Variants in SAMD4B observed in about 807,000 individuals in gnomAD.
SAMD4B encodes protein Smaug homolog 2.
Under a neutral mutation model 74.5 loss-of-function variants are expected in SAMD4B, and 5 were observed. The ratio of observed to expected loss-of-function variants is 0.07; its 90% CI spans 0.04 to 0.14. The LOEUF (loss-of-function observed/expected upper bound fraction) is 0.14. Among genes scored for constraint, SAMD4B ranks in the 10% least tolerant of loss-of-function variants. The pLI, the probability that SAMD4B is intolerant of heterozygous loss-of-function variation, is 1.00. For missense variants in SAMD4B, 608 were observed against 921.8 expected, an observed-to-expected ratio of 0.66 and a Z score of 4.41; for synonymous variants, 373 against 374.9, an observed-to-expected ratio of 1.00 and a Z score of 0.06.
Position 39,378,495 on chromosome 19 carries a change from T to C in SAMD4B, c.1445-9T>C, listed in dbSNP as rs773116982. On this transcript the variant is annotated splice_polypyrimidine_tract_variant and intron_variant, in intron 8 of 13. Coordinates refer to ENST00000610417, the MANE Select transcript of SAMD4B (RefSeq NM_001384574.2). This position sits in a 1 kb window ranked among gnomAD's most constrained non-coding sequence, Gnocchi z 4.4. ...GGTTAACCTCCTGCCCTTTCTCATG[T>C]CCCCCCAGTGTGCACCCAACTGCTG... 1 of 1,613,204 alleles carries C rather than the reference T, an allele frequency of 6.2e-7. No individual in the cohort carries two copies. Among genetic ancestry groups the C allele is most frequent in the Admixed American group, 1.7e-5 (1 of 59,972 alleles).
chr19:39,371,162 A>G (rs1259335157), intron 4 of SAMD4B, among the ~76,000 whole-genome samples: 1 of 152,206 alleles, frequency 6.6e-6, no homozygotes, highest in Non-Finnish European at 1.5e-5. Context: ...CATGATGTAA[A>G]CCTCAGAGTA....
chr19:39,388,685 G>A, downstream of SAMD4B: 2 of 1,613,388 alleles, frequency 1.2e-6, no homozygotes, highest in Non-Finnish European at 1.7e-6. Flanking sequence ...CCCTGGTTGG[G>A]GGAAAAGGAG....
intron 2 of SAMD4B, among the ~76,000 whole-genome samples, chr19:39,356,337 T>C (rs1330374068): frequency 6.6e-6 from 1 of 152,180 alleles, no homozygotes; most frequent in East Asian, 1.9e-4. Context: ...TCAATTCATA[T>C]CTTTTCTCAT....
chr19:39,353,270 C>T (rs568804122), intron 1 of SAMD4B, among the ~76,000 whole-genome samples: 1 of 152,174 alleles, frequency 6.6e-6, no homozygotes, highest in East Asian at 1.9e-4. Flanking sequence ...AAGTATGCTG[C>T]CTTAAAATTG....
At chr19:39,388,802 C>T, downstream of SAMD4B, 1 of 1,614,176 alleles carries the variant, frequency 6.2e-7, no homozygotes, top group Non-Finnish European at 8.5e-7. Flanking sequence ...GCAGCTGCAC[C>T]ACTCGTGTCC....
At chr19:39,359,676 A>G (rs2076536645) in intron 3 of SAMD4B, among the ~76,000 whole-genome samples, 1 of 152,250 alleles carries the variant, frequency 6.6e-6, no homozygotes, top group African/African-American at 2.4e-5. Flanking sequence ...GTCTGGAGAT[A>G]TTAAATGACT....
Position 39,380,030 on chromosome 19 carries a change from G to A in SAMD4B, c.1595G>A (p.Arg532Gln), listed in dbSNP as rs1209007912. 1.1e-5 allele frequency: 17 copies of A among 1,613,728 alleles called. No homozygotes were observed. Among genetic ancestry groups the A allele is most frequent in the East Asian group, 2.2e-5 (1 of 44,886 alleles). Residue 532 changes from arginine to glutamine, a missense_variant, in exon 10 of 14, where the codon CGG (arginine) becomes CAG (glutamine). Arg to Gln is a conservative substitution (Grantham distance 43). This residue lies in a region of SAMD4B where 167 missense variants were observed against 193.0 expected (regional missense o/e 0.87). Coordinates refer to ENST00000610417, the MANE Select transcript of SAMD4B (RefSeq NM_001384574.2). ...AAACAGCAAGTGCTGAAGCTCCTCC[G>A]GACATTCCCGCGCAAAGCCGCACTA... ...SWKQQVLKLL[R>Q]TFPRKAALEM...
At position 39,375,091 on chromosome 19, in the gene SAMD4B, G is replaced by A. The variant is rs910674631; in HGVS notation, c.668-559G>A. Among the ~76,000 whole-genome samples the A allele has an allele frequency of 2.0e-5, 3 of 152,160 alleles. No individual in the cohort carries two copies. The highest frequency in any genetic ancestry group is 4.4e-5 in the Non-Finnish European group (3 of 68,018). The stretch of plus-strand genomic sequence containing the variant: ...GAGCAAGTCCAGAAGTCCTGAGGCT[G>A]GAACAACCTTGAGTGTTTCAGGAAC... On this transcript the variant is annotated intron_variant, in intron 4 of 13. Coordinates refer to ENST00000610417, the MANE Select transcript of SAMD4B (RefSeq NM_001384574.2). This position sits in a 1 kb window ranked among gnomAD's most constrained non-coding sequence, Gnocchi z 4.1.
At position 39,383,658 on chromosome 19, in the gene SAMD4B, T is replaced by TA; in HGVS notation, c.*132dup. 1 of 1,588,978 alleles carries TA rather than the reference T, an allele frequency of 6.3e-7. No individual in the cohort carries two copies. ...ATATTCTAATATTTTTCTACTCTCTTACCCTCTTAACTTTTGTTTAACATT... is the reference window on the plus strand; with the variant it reads ...ATATTCTAATATTTTTCTACTCTCTTAACCCTCTTAACTTTTGTTTAACATT... On this transcript the variant is annotated 3_prime_UTR_variant, in exon 14 of 14. Transcript: ENST00000610417. This position sits in a 1 kb window ranked among gnomAD's most constrained non-coding sequence, Gnocchi z 4.1.
At chr19:39,379,657 G>T (rs1476422998) in intron 9 of SAMD4B, among the ~76,000 whole-genome samples, 4 of 152,008 alleles carry the variant, frequency 2.6e-5, no homozygotes, top group Non-Finnish European at 2.9e-5. Flanking sequence ...TGCAACCTCC[G>T]CCTCCCAGGT....
chr19:39,367,920 AG>A (rs764698456), intron 3 of SAMD4B, among the ~76,000 whole-genome samples: 10 of 151,380 alleles, frequency 6.6e-5, no homozygotes, highest in Non-Finnish European at 1.3e-4. Context: ...GTGGGTTGAA[AG>A]GGGAAACCTG....
At chr19:39,382,510 A>G (rs749628022) in intron 12 of SAMD4B, among the ~76,000 whole-genome samples, 12 of 152,086 alleles carry the variant, frequency 7.9e-5, no homozygotes, top group Non-Finnish European at 1.5e-4. Flanking sequence ...GGGAACAGTG[A>G]TGAGAGATGA....
At position 39,376,368 on chromosome 19, in the gene SAMD4B, A is replaced by G. The variant is rs911735318; in HGVS notation, c.908-69A>G. On this transcript the variant is annotated intron_variant, in intron 5 of 13. Coordinates refer to ENST00000610417, the MANE Select transcript of SAMD4B (RefSeq NM_001384574.2). ...TGAGGCTTCCTGTGGGTTTATCCCC[A>G]CAACTTTTCCTTTACCCTGGTAATC... The G allele has an allele frequency of 7.4e-6, 10 of 1,353,980 alleles. No homozygotes were observed. In the African/African-American group the frequency reaches 1.4e-4, roughly 19 times the overall value. The allele number at this position is 1,353,980 out of a possible 1,614,324, so 83.9% of individuals were successfully genotyped here. A position where few individuals can be genotyped will look rare whatever the true frequency, so the allele number is the denominator to read the frequency against.
chr19:39,342,911 C>T (rs2075400479), intron 1 of SAMD4B, among the ~76,000 whole-genome samples: 1 of 151,160 alleles, frequency 6.6e-6, no homozygotes, highest in Non-Finnish European at 1.5e-5. Flanking sequence ...CTGCCGATCC[C>T]CCGTGTGCGC....
At chr19:39,387,781 C>G (rs2078284902), downstream of SAMD4B, among the ~76,000 whole-genome samples, 1 of 152,214 alleles carries the variant, frequency 6.6e-6, no homozygotes, top group Non-Finnish European at 1.5e-5. Context: ...CACATGAAGT[C>G]TGTTACTAAT....
intron 3 of SAMD4B, among the ~76,000 whole-genome samples, chr19:39,367,792 A>G (rs2077054101): frequency 6.9e-6 from 1 of 145,552 alleles, no homozygotes; most frequent in Non-Finnish European, 1.5e-5. Flanking sequence ...TACAGGCGTG[A>G]GCCACCACGC....
rs117935019 is a variant in SAMD4B, at chr19:39,370,842, G to A, written c.667+717G>A. Among the ~76,000 whole-genome samples the A allele has an allele frequency of 9.4e-3, 1,432 of 152,296 alleles. 11 individuals are homozygous for A. The highest frequency in any genetic ancestry group is 0.017 in the Admixed American group (263 of 15,294). On this transcript the variant is annotated intron_variant, in intron 4 of 13. Transcript: ENST00000610417. The stretch of plus-strand genomic sequence containing the variant: ...TATGATCTCAGTCCGCATCACAACC[G>A]TATCATTAGCCCTATTCAACAGATG...
rs2078225753 is a variant in SAMD4B at position 39,385,546 on chromosome 19, C to A, written c.*2019C>A. 1 of 491,444 alleles carries A rather than the reference C, an allele frequency of 2.0e-6. No individual in the cohort carries two copies. The highest frequency in any genetic ancestry group is 2.0e-5 in the African/African-American group (1 of 50,792). 30.4% of individuals were successfully genotyped at this position (491,444 alleles called of 1,614,324 possible). On this transcript the variant is annotated 3_prime_UTR_variant, in exon 14 of 14. Transcript: ENST00000610417. ...GGCCCTCCTCCATGATTTCACCCTC[C>A]CTACCCACTTCTGTCCCCGGCCCCA...
chr19:39,386,527 C>T (rs2078253752), downstream of SAMD4B: 1 of 1,614,202 alleles, frequency 6.2e-7, no homozygotes, highest in Non-Finnish European at 8.5e-7. This position sits in a 1 kb window ranked among gnomAD's most constrained non-coding sequence, Gnocchi z 6.1. Context: ...TCCTCTTCCT[C>T]TTCCTCCTCC....
Sources: gnomAD v4.1 joint callset for allele counts (sites outside exome capture counted in the v4.1 genomes callset) on GRCh38, gnomAD v4.1.1 for gene constraint, gnomAD v4.1.1 regional missense constraint, Gnocchi (gnomAD v3.1) non-coding constraint, MANE v1.5 for transcripts, NCBI Gene and HGNC (gene_info 2026-07-23, HGNC 2026-07-21) for gene names.